The following GTF2F2 variants were observed in gnomAD, a reference collection of about 807,000 sequenced individuals.
The protein encoded by GTF2F2 is general transcription factor IIF subunit 2, also known as ATP-dependent helicase GTF2F2.
In GTF2F2, 23 loss-of-function variants were observed where a neutral mutation model predicts 42.2. That is an observed-to-expected ratio of 0.55 (90% CI 0.39 to 0.77). The LOEUF (loss-of-function observed/expected upper bound fraction) is 0.77. Among genes scored for constraint, GTF2F2 ranks in the 30% least tolerant of loss-of-function variants. The pLI is 0.00. For synonymous variants in GTF2F2, 105 were observed against 100.8 expected (o/e 1.04, Z -0.25); for missense variants, 261 against 287.2 (o/e 0.91, Z 0.66).
At chr13:45,258,033 A>C in intron 6 of GTF2F2, among the ~76,000 whole-genome samples, 1 of 152,310 alleles carries the variant, frequency 6.6e-6, no homozygotes, top group Admixed American at 6.5e-5. Context: ...AGAAAGTGAA[A>C]AACTGAACTT....
chr13:45,169,207 CT>C (rs1184213608), intron 4 of GTF2F2, among the ~76,000 whole-genome samples: 2 of 152,042 alleles, frequency 1.3e-5, no homozygotes, highest in African/African-American at 4.8e-5. Context: ...CAGAATGTGA[CT>C]GTATTTGGAG....
intron 4 of GTF2F2, among the ~76,000 whole-genome samples, chr13:45,179,581 T>C (rs148047342): frequency 7.1e-4 from 108 of 152,342 alleles, no homozygotes; most frequent in Admixed American, 2.0e-3. Flanking sequence ...TTAGACTTTC[T>C]ACCTTGTATA....
intron 4 of GTF2F2, among the ~76,000 whole-genome samples, chr13:45,175,833 G>A (rs999707972): frequency 1.1e-4 from 16 of 152,090 alleles, no homozygotes; most frequent in Middle Eastern, 3.4e-3. Flanking sequence ...TGTGTTGGTC[G>A]GGCTGGTCTC....
intron 7 of GTF2F2, among the ~76,000 whole-genome samples, chr13:45,280,032 A>C (rs1188608110): frequency 6.6e-6 from 1 of 152,190 alleles, no homozygotes; most frequent in Non-Finnish European, 1.5e-5. Context: ...TGTAAATCTA[A>C]GGTAAGGCTG....
At chr13:45,124,861 G>A (rs2138085140) in intron 1 of GTF2F2, among the ~76,000 whole-genome samples, 1 of 152,320 alleles carries the variant, frequency 6.6e-6, no homozygotes, top group South Asian at 2.1e-4. Context: ...ACTGTGCCCA[G>A]CCAAGACAGG....
chr13:45,257,441 A>G (rs1876149181), intron 6 of GTF2F2, among the ~76,000 whole-genome samples: 2 of 152,214 alleles, frequency 1.3e-5, no homozygotes, highest in South Asian at 4.1e-4. Context: ...GGTCACATAA[A>G]AAGGATTCTG....
intron 4 of GTF2F2, among the ~76,000 whole-genome samples, chr13:45,173,619 T>G (rs1871711440): frequency 7.0e-6 from 1 of 142,550 alleles, no homozygotes; most frequent in Non-Finnish European, 1.5e-5. Flanking sequence ...GTCATTTTTT[T>G]TTTTTTTTTT....
chr13:45,235,147 A>C (rs920786658), intron 5 of GTF2F2, among the ~76,000 whole-genome samples: 4 of 151,394 alleles, frequency 2.6e-5, no homozygotes, highest in African/African-American at 9.7e-5. Flanking sequence ...ATCTTACAGT[A>C]GTAATTATTG....
At chr13:45,232,952 A>G (rs1387431773) in intron 5 of GTF2F2, among the ~76,000 whole-genome samples, 1 of 152,228 alleles carries the variant, frequency 6.6e-6, no homozygotes, top group Non-Finnish European at 1.5e-5. Flanking sequence ...ATCTGATCTA[A>G]TCTTAAATGA....
chr13:45,248,369 T>C (rs1875734650), intron 5 of GTF2F2, among the ~76,000 whole-genome samples: 2 of 152,212 alleles, frequency 1.3e-5, no homozygotes, highest in South Asian at 4.1e-4. Context: ...ATTTGAAGAA[T>C]ATATATTTAT....
intron 4 of GTF2F2, among the ~76,000 whole-genome samples, chr13:45,191,255 A>ATATATATATATATATATATATATGGC (rs1260872563): frequency 8.1e-5 from 11 of 136,516 alleles, no homozygotes; most frequent in African/African-American, 2.4e-4. Flanking sequence ...ATATATATAT[A>ATATATATATATATATATATATATGGC]GCCATAATCT....
intron 4 of GTF2F2, among the ~76,000 whole-genome samples, chr13:45,154,277 A>G (rs1311205799): frequency 2.0e-5 from 3 of 152,222 alleles, no homozygotes; most frequent in Non-Finnish European, 4.4e-5. Flanking sequence ...TGGTACTTCT[A>G]CAAAGACAGC....
intron 5 of GTF2F2, among the ~76,000 whole-genome samples, chr13:45,231,131 G>A (rs986873097): frequency 6.6e-5 from 10 of 150,782 alleles, no homozygotes; most frequent in Admixed American, 3.3e-4. Flanking sequence ...ATTTTGAGAC[G>A]GAGTCTCGCT....
At chr13:45,272,434 A>C (rs7333505) in intron 7 of GTF2F2, among the ~76,000 whole-genome samples, 1,855 of 141,340 alleles carry the variant, frequency 0.013, 41 homozygotes, top group African/African-American at 0.046. Flanking sequence ...TAAAAAAAAA[A>C]AAAAAACAAA....
intron 4 of GTF2F2, among the ~76,000 whole-genome samples, chr13:45,153,322 T>A (rs1174101536): frequency 6.6e-6 from 1 of 152,048 alleles, no homozygotes; most frequent in Non-Finnish European, 1.5e-5. Context: ...CCGGCCGAAT[T>A]TTTTTTGTGG....
At chr13:45,262,584 C>T (rs1236114042) in intron 6 of GTF2F2, among the ~76,000 whole-genome samples, 3 of 151,836 alleles carry the variant, frequency 2.0e-5, no homozygotes, top group African/African-American at 7.3e-5. Flanking sequence ...AGTGCCACCA[C>T]ACCCAGCTAA....
chr13:45,128,098 C>T (rs1438958005), intron 1 of GTF2F2, among the ~76,000 whole-genome samples: 2 of 147,942 alleles, frequency 1.4e-5, no homozygotes, highest in Non-Finnish European at 3.0e-5. Context: ...GTAGCTGAGA[C>T]TACAGGTGCC....
At chr13:45,232,173 T>C (rs530493316) in intron 5 of GTF2F2, among the ~76,000 whole-genome samples, 1 of 152,346 alleles carries the variant, frequency 6.6e-6, no homozygotes, top group South Asian at 2.1e-4. Flanking sequence ...TCCATCATCA[T>C]AAGCAGCTTA....
intron 5 of GTF2F2, among the ~76,000 whole-genome samples, chr13:45,239,400 G>A (rs891310879): frequency 1.3e-5 from 2 of 152,206 alleles, no homozygotes; most frequent in African/African-American, 4.8e-5. Flanking sequence ...GAATGCTGGT[G>A]ATATACTCTT....
Sources: allele counts gnomAD v4.1 joint callset (sites outside exome capture counted in the v4.1 genomes callset), GRCh38; gene constraint gnomAD v4.1.1; transcripts MANE v1.5; gene names NCBI Gene and HGNC (gene_info 2026-07-23, HGNC 2026-07-21).